Variants in CNTN6 observed in about 807,000 individuals in gnomAD.
CNTN6 encodes the protein contactin 6.
In CNTN6, 137 loss-of-function variants were observed where a neutral mutation model predicts 122.8. The observed-to-expected ratio is 1.12, with a 90% CI of 0.97 to 1.29. The LOEUF (loss-of-function observed/expected upper bound fraction) is 1.29, where lower values mean the gene tolerates loss of function less well. CNTN6 is among the 50% of genes most tolerant of loss of function. CNTN6 has a pLI of 0.00. For missense variants in CNTN6, 1,634 were observed against 1,223.4 expected (o/e 1.34, Z -5.01); for synonymous variants, 570 against 426.0 (o/e 1.34, Z -4.16).
chr3:1,255,739 C>T (rs1010336023), intron 4 of CNTN6, among the ~76,000 whole-genome samples: 7 of 152,112 alleles, frequency 4.6e-5, no homozygotes, highest in African/African-American at 1.4e-4. Context: ...GTGGCACCAT[C>T]ACAACCTACT....
chr3:1,300,449 CAGGAAGGAAGGAAGGAAGGAAGGAAGGA>C (rs72054486), intron 7 of CNTN6, among the ~76,000 whole-genome samples: 64 of 114,494 alleles, frequency 5.6e-4, no homozygotes, highest in African/African-American at 2.6e-3. Context: ...AGGGTCAGTT[CAGGAAGGAAGGAAGGAAGGAAGGAAGGA>C]AGGAAGGAAG....
chr3:1,102,491 G>A (rs1459481096), intron 1 of CNTN6, among the ~76,000 whole-genome samples: 2 of 152,186 alleles, frequency 1.3e-5, no homozygotes, highest in Non-Finnish European at 2.9e-5. Flanking sequence ...AGCACTTTGG[G>A]AGGCCGAGGT....
At chr3:1,122,121 A>G (rs1288211417) in intron 1 of CNTN6, among the ~76,000 whole-genome samples, 14 of 152,122 alleles carry the variant, frequency 9.2e-5, no homozygotes, top group Admixed American at 7.2e-4. Context: ...AATGAATGTA[A>G]AAACTATATA....
intron 2 of CNTN6, among the ~76,000 whole-genome samples, chr3:1,158,150 T>C (rs1480859947): frequency 6.6e-6 from 1 of 152,176 alleles, no homozygotes; most frequent in Non-Finnish European, 1.5e-5. Context: ...TTCTCACCAA[T>C]GGTGTATGAT....
intron 8 of CNTN6, among the ~76,000 whole-genome samples, chr3:1,324,262 T>C (rs1701241607): frequency 6.7e-6 from 1 of 149,008 alleles, no homozygotes; most frequent in Non-Finnish European, 1.5e-5. Flanking sequence ...TTGAAGGGTC[T>C]TCTGTCTTGG....
intron 11 of CNTN6, among the ~76,000 whole-genome samples, chr3:1,341,117 G>A (rs573894111): frequency 3.1e-4 from 47 of 151,900 alleles, no homozygotes; most frequent in African/African-American, 1.1e-3. Flanking sequence ...ATTCTGTTCT[G>A]CATAACTCTC....
rs916595040 is a variant in CNTN6, at chr3:1,186,306, T to C, written c.56-34381T>C. Reference sequence around the variant, plus strand: ...GTACATGTTTAAATATGGAAATCTTTCATATCTTCAGACGTTATCGTCAGC... The same window carrying C: ...GTACATGTTTAAATATGGAAATCTTCCATATCTTCAGACGTTATCGTCAGC... On this transcript the variant is annotated intron_variant, in intron 2 of 22. Coordinates refer to ENST00000446702, the MANE Select transcript of CNTN6 (RefSeq NM_001289080.2). Among the ~76,000 whole-genome samples the C allele has an allele frequency of 5.3e-5, 8 of 152,292 alleles. No homozygotes were observed. The East Asian group carries it at 1.5e-3, about 29-fold the overall frequency.
chr3:1,357,255 T>C (rs1453559963), intron 12 of CNTN6, among the ~76,000 whole-genome samples: 1 of 151,864 alleles, frequency 6.6e-6, no homozygotes, highest in South Asian at 2.1e-4. Flanking sequence ...TTATGCCAGT[T>C]GAAGGAGACC....
intron 2 of CNTN6, among the ~76,000 whole-genome samples, chr3:1,207,444 T>G (rs2093973530): frequency 6.6e-6 from 1 of 152,152 alleles, no homozygotes. Flanking sequence ...GTTTGACGCT[T>G]GCTGTTCCTC....
In CNTN6 at chr3:1,146,971, A is replaced by C. The variant is rs554234794; in HGVS notation, c.-82-956A>C. Among the ~76,000 whole-genome samples the C allele has an allele frequency of 4.6e-5, 7 of 152,272 alleles. No homozygotes were observed. The South Asian group carries it at 1.5e-3, about 32-fold the overall frequency. On this transcript the variant is annotated intron_variant, in intron 1 of 22. Transcript: ENST00000446702. ...CTTTGATTAAATTTGGAAAGCATTT[A>C]ACTTAAATTTTATTTAAACGTTAAG...
At chr3:1,379,497 C>T (rs1403919787) in intron 17 of CNTN6, among the ~76,000 whole-genome samples, 1 of 152,046 alleles carries the variant, frequency 6.6e-6, no homozygotes, top group Non-Finnish European at 1.5e-5. Context: ...TGACGGGATC[C>T]ATCATACCCC....
intron 12 of CNTN6, among the ~76,000 whole-genome samples, chr3:1,354,462 T>C (rs1392419975): frequency 6.6e-6 from 1 of 151,442 alleles, no homozygotes; most frequent in Non-Finnish European, 1.5e-5. Context: ...CCACTAGGCA[T>C]TCCTTGTTAC....
intron 4 of CNTN6, among the ~76,000 whole-genome samples, chr3:1,269,120 T>C (rs995147954): frequency 2.0e-5 from 3 of 150,682 alleles, no homozygotes; most frequent in African/African-American, 7.3e-5. Flanking sequence ...ACACTTTAAT[T>C]GTATTATGTC....
chr3:1,317,241 TTC>T (rs1559803577), intron 7 of CNTN6, among the ~76,000 whole-genome samples: 2 of 151,640 alleles, frequency 1.3e-5, no homozygotes, highest in Non-Finnish European at 1.5e-5. Flanking sequence ...TTGTTGTTTT[TTC>T]TTGCTGTGAG....
At chr3:1,108,134 A>T (rs1044593970) in intron 1 of CNTN6, among the ~76,000 whole-genome samples, 8 of 152,084 alleles carry the variant, frequency 5.3e-5, no homozygotes, top group Admixed American at 1.3e-4. Flanking sequence ...AATTCCTTAG[A>T]GAATAAATGT....
At chr3:1,216,789 T>C (rs1331682872) in intron 2 of CNTN6, among the ~76,000 whole-genome samples, 2 of 152,178 alleles carry the variant, frequency 1.3e-5, no homozygotes, top group African/African-American at 2.4e-5. Flanking sequence ...TTTTACCCAA[T>C]TGCAAATATT....
At chr3:1,184,505 C>T (rs953495059) in intron 2 of CNTN6, among the ~76,000 whole-genome samples, 5 of 152,132 alleles carry the variant, frequency 3.3e-5, no homozygotes, top group African/African-American at 1.2e-4. Flanking sequence ...CATAAAAATG[C>T]CTCTCTTTAA....
At chr3:1,391,808 G>C (rs13075086) in intron 20 of CNTN6, among the ~76,000 whole-genome samples, 2 of 151,058 alleles carry the variant, frequency 1.3e-5, no homozygotes, top group East Asian at 4.0e-4. Context: ...ATTCACAATT[G>C]CTTCAAAGAG....
At chr3:1,322,307 T>C (rs1447263743) in intron 8 of CNTN6, among the ~76,000 whole-genome samples, 1 of 151,692 alleles carries the variant, frequency 6.6e-6, no homozygotes, top group Non-Finnish European at 1.5e-5. Flanking sequence ...AAGAAGGCAA[T>C]TACATTATTT....
Sources: gnomAD v4.1 joint callset for allele counts (sites outside exome capture counted in the v4.1 genomes callset) on GRCh38, gnomAD v4.1.1 for gene constraint, MANE v1.5 for transcripts, NCBI Gene and HGNC (gene_info 2026-07-23, HGNC 2026-07-21) for gene names.